PLD5: variants seen among roughly 807,000 people sequenced by gnomAD.
The protein encoded by PLD5 is phospholipase D family member 5, also known as inactive phospholipase D5.
Under a neutral mutation model 61.1 loss-of-function variants are expected in PLD5, and 36 were observed. The ratio of observed to expected loss-of-function variants is 0.59; its 90% confidence interval spans 0.45 to 0.78. PLD5 has a LOEUF of 0.78. Among genes scored for constraint, PLD5 ranks in the 30% least tolerant of loss-of-function variants. PLD5 has a pLI of 0.00. For synonymous variants in PLD5, 243 were observed against 242.8 expected (o/e 1.00, Z -0.01); for missense variants, 515 against 644.4 (o/e 0.80, Z 2.17).
intron 1 of PLD5, among the ~76,000 whole-genome samples, chr1:242,405,023 G>A (rs1164072281): frequency 6.6e-6 from 1 of 151,666 alleles, no homozygotes; most frequent in African/African-American, 2.4e-5. Flanking sequence ...GGGATTACAG[G>A]TGTGCACCAC....
intron 1 of PLD5, among the ~76,000 whole-genome samples, chr1:242,367,633 G>C (rs2149243347): frequency 6.6e-6 from 1 of 152,242 alleles, no homozygotes; most frequent in South Asian, 2.1e-4. Flanking sequence ...CCCTCATCCA[G>C]AGACATGCAA....
intron 1 of PLD5, among the ~76,000 whole-genome samples, chr1:242,366,926 T>C (rs1287087096): frequency 6.6e-6 from 1 of 152,216 alleles, no homozygotes; most frequent in Non-Finnish European, 1.5e-5. Flanking sequence ...TAAACTTCCA[T>C]TGATTCCCAT....
chr1:242,085,119 A>G lies in PLD5; in HGVS notation c.*4735T>C, dbSNP rs1362048356. On this transcript the variant is annotated 3_prime_UTR_variant, in exon 10 of 10. Transcript: ENST00000536534. ...AATAATATAGATATGTCCAGGTACA[A>G]GTTTATCCTATTTACATAAAGGAAC... The G allele has an allele frequency of 6.6e-6, 1 of 152,184 alleles. No individual in the cohort carries two copies. The highest frequency in any genetic ancestry group is 1.5e-5 in the Non-Finnish European group (1 of 68,038). 9.4% of individuals were successfully genotyped at this position (152,184 alleles called of 1,614,324 possible).
chr1:242,215,731 G>A (rs1166855465), intron 5 of PLD5, among the ~76,000 whole-genome samples: 1 of 152,146 alleles, frequency 6.6e-6, no homozygotes, highest in Non-Finnish European at 1.5e-5. Context: ...CACAGCCCCA[G>A]ACAATGCACC....
intron 1 of PLD5, among the ~76,000 whole-genome samples, chr1:242,364,615 T>C (rs976099940): frequency 1.7e-4 from 25 of 151,496 alleles, no homozygotes; most frequent in African/African-American, 4.1e-4. Flanking sequence ...ACTTGGGAGG[T>C]TGAGGCATGA....
intron 5 of PLD5, among the ~76,000 whole-genome samples, chr1:242,145,086 C>A (rs1238800755): frequency 6.6e-6 from 1 of 152,062 alleles, no homozygotes; most frequent in Non-Finnish European, 1.5e-5. Context: ...CAACTGAGGC[C>A]CAGAGCAGTT....
intron 1 of PLD5, among the ~76,000 whole-genome samples, chr1:242,406,783 G>A (rs551850313): frequency 6.6e-6 from 1 of 152,234 alleles, no homozygotes; most frequent in East Asian, 1.9e-4. Flanking sequence ...CATGAATATT[G>A]AACTAGGATT....
intron 1 of PLD5, among the ~76,000 whole-genome samples, chr1:242,496,235 T>C (rs1173828435): frequency 6.6e-6 from 1 of 152,102 alleles, no homozygotes; most frequent in Non-Finnish European, 1.5e-5. Flanking sequence ...GTAAGGGAGA[T>C]AAAGCCAAGA....
chr1:242,490,132 C>G (rs75794797), intron 1 of PLD5, among the ~76,000 whole-genome samples: 2,058 of 152,328 alleles, frequency 0.014, 53 homozygotes, highest in African/African-American at 0.047. Context: ...TCTGATGCCT[C>G]AATGCCCATC....
At chr1:242,180,482 A>G (rs146056171) in intron 5 of PLD5, among the ~76,000 whole-genome samples, 2 of 152,284 alleles carry the variant, frequency 1.3e-5, no homozygotes, top group African/African-American at 2.4e-5. Context: ...GCCAAGCTAT[A>G]TTAGTTCCTT....
At chr1:242,525,806 G>A (rs936180746), upstream of PLD5, among the ~76,000 whole-genome samples, 1 of 152,132 alleles carries the variant, frequency 6.6e-6, no homozygotes, top group African/African-American at 2.4e-5. Flanking sequence ...CAGGGATTGT[G>A]TTTCATATCT....
In PLD5 at chr1:242,288,383, G is replaced by A; in HGVS notation, c.474C>T (p.His158=). 6.2e-7 allele frequency: 1 copy of A among 1,613,074 alleles called. No individual in the cohort carries two copies. Among genetic ancestry groups the A allele is most frequent in the Non-Finnish European group, 8.5e-7 (1 of 1,179,696 alleles). Reference sequence around the variant, plus strand: ...TTACCTGACATGCTGATGGATGAGTGTGGTTGAGATCCCAATGGGAAGACA... The same window carrying A: ...TTACCTGACATGCTGATGGATGAGTATGGTTGAGATCCCAATGGGAAGACA... ...DIVSSHWDLN[H]THPSACQGQR... is the part of the protein sequence containing the mutation. The change falls in exon 3 of 10, where the codon CAC becomes CAT. Residue 158 remains histidine, a synonymous_variant. Coordinates refer to ENST00000536534, the MANE Select transcript of PLD5 (RefSeq NM_001372062.1).
chr1:242,469,668 G>T (rs953873924), intron 1 of PLD5, among the ~76,000 whole-genome samples: 5 of 152,080 alleles, frequency 3.3e-5, no homozygotes, highest in African/African-American at 1.2e-4. Context: ...AAGCCACTAT[G>T]CCCAGCTAAT....
intron 5 of PLD5, among the ~76,000 whole-genome samples, chr1:242,187,319 A>G (rs759644055): frequency 4.3e-4 from 65 of 152,258 alleles, no homozygotes; most frequent in South Asian, 2.1e-4. Flanking sequence ...GGCAACCAAC[A>G]TGAGGATAAA....
At chr1:242,513,020 T>C (rs1668980942) in intron 1 of PLD5, among the ~76,000 whole-genome samples, 1 of 152,024 alleles carries the variant, frequency 6.6e-6, no homozygotes, top group Admixed American at 6.6e-5. Flanking sequence ...TACAGGCATA[T>C]AGACACGTGC....
At chr1:242,297,343 C>CAA (rs34723393) in intron 2 of PLD5, among the ~76,000 whole-genome samples, 13 of 63,118 alleles carry the variant, frequency 2.1e-4, no homozygotes, top group African/African-American at 4.3e-4. Flanking sequence ...GACTCCTTCT[C>CAA]AAAAAAAAAA....
intron 1 of PLD5, among the ~76,000 whole-genome samples, chr1:242,391,088 G>C (rs970880288): frequency 6.6e-5 from 10 of 152,138 alleles, no homozygotes; most frequent in Non-Finnish European, 1.5e-4. Context: ...CTAGCTACTC[G>C]GGAGGCTGAG....
intron 5 of PLD5, among the ~76,000 whole-genome samples, chr1:242,208,369 A>G (rs1488856568): frequency 6.6e-6 from 1 of 152,078 alleles, no homozygotes. Flanking sequence ...ATTTAGCACC[A>G]GGGCTGGCTT....
At chr1:242,393,651 A>T (rs1250409796) in intron 1 of PLD5, among the ~76,000 whole-genome samples, 4 of 82,540 alleles carry the variant, frequency 4.8e-5, no homozygotes, top group South Asian at 4.8e-4. Flanking sequence ...TATATATATG[A>T]GTATATATGT....
Sources: allele counts gnomAD v4.1 joint callset (sites outside exome capture counted in the v4.1 genomes callset), GRCh38; gene constraint gnomAD v4.1.1; transcripts MANE v1.5; gene names NCBI Gene and HGNC (gene_info 2026-07-23, HGNC 2026-07-21).